Variants in SLC24A2 observed in about 807,000 individuals in gnomAD.
SLC24A2 encodes sodium/potassium/calcium exchanger 2.
Under a neutral mutation model 62.0 loss-of-function variants are expected in SLC24A2, and 36 were observed. The observed-to-expected ratio is 0.58, with a 90% CI of 0.44 to 0.77. The LOEUF (loss-of-function observed/expected upper bound fraction) is 0.77. Ranked by LOEUF, SLC24A2 falls within the 30% of genes least tolerant of loss-of-function variation. The pLI, the probability that SLC24A2 is intolerant of heterozygous loss-of-function variation, is 0.00. For missense variants in SLC24A2, 846 were observed against 817.9 expected (o/e 1.03, Z -0.42); for synonymous variants, 358 against 294.0 (o/e 1.22, Z -2.23).
the SLC24A2 span, among the ~76,000 whole-genome samples, chr9:19,950,753 G>C: frequency 6.6e-6 from 1 of 152,208 alleles, no homozygotes; most frequent in Non-Finnish European, 1.5e-5. Flanking sequence ...TATCCATCAA[G>C]TTTAGATTTC....
chr9:20,196,417 A>G, the SLC24A2 span, among the ~76,000 whole-genome samples: 1 of 152,238 alleles, frequency 6.6e-6, no homozygotes, highest in Non-Finnish European at 1.5e-5. Context: ...CATAGGCTGG[A>G]TATTTTGCTG....
intron 2 of SLC24A2, among the ~76,000 whole-genome samples, chr9:19,740,852 T>A (rs930744531): frequency 7.0e-6 from 1 of 142,804 alleles, no homozygotes; most frequent in Non-Finnish European, 1.5e-5. Context: ...TATTTGAAAT[T>A]TTCCATTATA....
At chr9:20,248,120 T>C in the SLC24A2 span, among the ~76,000 whole-genome samples, 1 of 152,224 alleles carries the variant, frequency 6.6e-6, no homozygotes, top group Non-Finnish European at 1.5e-5. Context: ...TCAATGCCTC[T>C]GAGATACAGT....
At chr9:19,527,488 T>G (rs1177626232) in intron 9 of SLC24A2, among the ~76,000 whole-genome samples, 2 of 152,374 alleles carry the variant, frequency 1.3e-5, no homozygotes, top group Non-Finnish European at 2.9e-5. Context: ...CTATTATCTT[T>G]GAAAATGTGA....
chr9:19,945,456 T>C, the SLC24A2 span, among the ~76,000 whole-genome samples: 7,322 of 152,300 alleles, frequency 0.048, 216 homozygotes, highest in African/African-American at 0.074. Context: ...CCAATGCATT[T>C]TGCATTTATC....
chr9:19,878,701 CT>C, the SLC24A2 span, among the ~76,000 whole-genome samples: 1 of 152,046 alleles, frequency 6.6e-6, no homozygotes, highest in African/African-American at 2.4e-5. Flanking sequence ...GTAAGACCTG[CT>C]TGTTTCCCCT....
At chr9:19,823,366 G>A in the SLC24A2 span, among the ~76,000 whole-genome samples, 1 of 151,734 alleles carries the variant, frequency 6.6e-6, no homozygotes. Context: ...TTAAGAAAAA[G>A]TTATAGGCGT....
intron 9 of SLC24A2, among the ~76,000 whole-genome samples, chr9:19,522,591 C>T (rs1397627169): frequency 6.6e-6 from 1 of 152,160 alleles, no homozygotes; most frequent in Non-Finnish European, 1.5e-5. Context: ...TGCTCCAGAG[C>T]CTGGTGAGCT....
chr9:20,033,379 A>G, the SLC24A2 span, among the ~76,000 whole-genome samples: 2 of 152,244 alleles, frequency 1.3e-5, no homozygotes, highest in African/African-American at 4.8e-5. Flanking sequence ...TATGGTACCT[A>G]ATAGGGATGT....
At chr9:19,560,569 T>C (rs1835339114) in intron 7 of SLC24A2, among the ~76,000 whole-genome samples, 1 of 152,144 alleles carries the variant, frequency 6.6e-6, no homozygotes, top group African/African-American at 2.4e-5. Flanking sequence ...CGGAAGCCCT[T>C]ACCAGAGACT....
the SLC24A2 span, among the ~76,000 whole-genome samples, chr9:20,101,930 G>A: frequency 0.029 from 4,342 of 152,186 alleles, 206 homozygotes; most frequent in African/African-American, 0.098. Context: ...GGACAAACAC[G>A]TCTGAGCTTA....
At chr9:20,193,434 C>T in the SLC24A2 span, among the ~76,000 whole-genome samples, 5 of 151,816 alleles carry the variant, frequency 3.3e-5, no homozygotes, top group African/African-American at 1.2e-4. Context: ...CTCACACCAC[C>T]CAAAAGAAAG....
chr9:19,786,714 A>G lies in SLC24A2; in HGVS notation c.153T>C (p.Thr51=), dbSNP rs183116337. 1.9e-4 allele frequency: 306 copies of G among 1,610,994 alleles called. 6 individuals carry two copies. The Admixed American group carries it at 5.0e-3, about 27-fold the overall frequency. Residue 51 remains threonine (T), a synonymous_variant, in exon 2 of 11, where the codon ACT becomes ACC. Transcript: ENST00000341998. The surrounding 1 kb of genome is among the most constrained non-coding windows in gnomAD (Gnocchi z 5.0). The part of the protein sequence containing the change: ...GLFMGLVAIS[T]VSFSISAFSE... ...AAAAGGCACTGATTGAAAATGAGAC[A>G]GTGCTAATGGCTACCAGACCCATGA...
chr9:19,720,071 GA>G (rs1418246943), intron 2 of SLC24A2, among the ~76,000 whole-genome samples: 3 of 152,186 alleles, frequency 2.0e-5, no homozygotes, highest in Admixed American at 2.0e-4. Context: ...AGGTAAACCG[GA>G]AAGGCTATGT....
intron 7 of SLC24A2, among the ~76,000 whole-genome samples, chr9:19,567,544 CAAAAA>C (rs747824353): frequency 5.2e-5 from 2 of 38,416 alleles, no homozygotes; most frequent in Non-Finnish European, 1.2e-4. Context: ...GACTCCATCT[CAAAAA>C]AAAAAAAAAA....
At chr9:19,931,629 T>C in the SLC24A2 span, among the ~76,000 whole-genome samples, 1 of 152,152 alleles carries the variant, frequency 6.6e-6, no homozygotes, top group African/African-American at 2.4e-5. Context: ...GGCAAAATGG[T>C]ACATGTTATC....
At chr9:19,956,070 T>TC in the SLC24A2 span, among the ~76,000 whole-genome samples, 1 of 152,168 alleles carries the variant, frequency 6.6e-6, no homozygotes, top group Non-Finnish European at 1.5e-5. Context: ...GACAAAGTGA[T>TC]CCCTTAGGTC....
the SLC24A2 span, among the ~76,000 whole-genome samples, chr9:19,955,588 A>T: frequency 6.6e-6 from 1 of 152,200 alleles, no homozygotes. Context: ...AGTGTTCAAG[A>T]CAATGACTGA....
At chr9:20,199,269 G>A in the SLC24A2 span, among the ~76,000 whole-genome samples, 1 of 152,228 alleles carries the variant, frequency 6.6e-6, no homozygotes, top group East Asian at 1.9e-4. Flanking sequence ...TCCAGTCTGA[G>A]TCTAGGAACC....
Sources: allele counts gnomAD v4.1 joint callset (sites outside exome capture counted in the v4.1 genomes callset), GRCh38; gene constraint gnomAD v4.1.1; non-coding constraint Gnocchi (gnomAD v3.1); transcripts MANE v1.5; gene names NCBI Gene and HGNC (gene_info 2026-07-23, HGNC 2026-07-21).